The following NT5C2 variants were observed in gnomAD, a reference collection of about 807,000 sequenced individuals.
NT5C2 encodes the protein cytosolic purine 5'-nucleotidase.
In NT5C2, 58 loss-of-function variants were observed where a neutral mutation model predicts 76.1. The observed-to-expected ratio is 0.76, with a 90% CI of 0.62 to 0.95. The LOEUF (loss-of-function observed/expected upper bound fraction) is 0.95. Among genes scored for constraint, NT5C2 ranks in the 40% least tolerant of loss-of-function variants. The pLI is 0.00. For synonymous variants in NT5C2, 229 were observed against 237.4 expected, an observed-to-expected ratio of 0.96 and a Z score of 0.32; for missense variants, 478 against 690.3, an observed-to-expected ratio of 0.69 and a Z score of 3.45.
At chr10:103,133,584 G>A in intron 4 of NT5C2, among the ~76,000 whole-genome samples, 1 of 152,066 alleles carries the variant, frequency 6.6e-6, no homozygotes, top group East Asian at 1.9e-4. Context: ...TTTGTAAACT[G>A]CCCAGTCTCA....
At chr10:103,100,228 A>G (rs766559677) in intron 8 of NT5C2, among the ~76,000 whole-genome samples, 53 of 152,270 alleles carry the variant, frequency 3.5e-4, no homozygotes, top group Non-Finnish European at 6.9e-4. Context: ...GTGAACAAAT[A>G]CAAAGTGATA....
At chr10:103,113,169 C>T (rs1418368760) in intron 4 of NT5C2, among the ~76,000 whole-genome samples, 2 of 152,050 alleles carry the variant, frequency 1.3e-5, no homozygotes, top group Non-Finnish European at 2.9e-5. Flanking sequence ...AAAACACATT[C>T]CCAAATAACT....
chr10:103,159,255 A>G (rs1234224801), intron 3 of NT5C2, among the ~76,000 whole-genome samples: 9 of 98,068 alleles, frequency 9.2e-5, no homozygotes, highest in African/African-American at 1.8e-4. Context: ...AAACATGCAC[A>G]CACACACACA....
At chr10:103,170,526 CTT>C (rs71019664) in intron 3 of NT5C2, among the ~76,000 whole-genome samples, 31,075 of 116,708 alleles carry the variant, frequency 0.27, 2,767 homozygotes, top group Middle Eastern at 0.3. Context: ...CACATGCACA[CTT>C]TTTTTTTTTT....
chr10:103,151,486 C>A (rs1248594162), intron 3 of NT5C2, among the ~76,000 whole-genome samples: 1 of 150,864 alleles, frequency 6.6e-6, no homozygotes, highest in African/African-American at 2.4e-5. Flanking sequence ...AAAACACTAG[C>A]CTCTCGCCAT....
At chr10:103,090,046 T>C (rs1253067614) in intron 18 of NT5C2, 138 bp from the exon 19 acceptor site, 4 of 593,402 alleles carry the variant, frequency 6.7e-6, no homozygotes, top group African/African-American at 3.7e-5. Context: ...TATAGACTTA[T>C]CTTCATAGAA....
intron 3 of NT5C2, among the ~76,000 whole-genome samples, chr10:103,165,574 C>CTTTT (rs35898850): frequency 9.2e-6 from 1 of 109,264 alleles, no homozygotes; most frequent in African/African-American, 3.4e-5. Context: ...CCACCTGTGG[C>CTTTT]TTTTTTTTTT....
At chr10:103,096,021 T>TGC (rs1322159714) in intron 11 of NT5C2, 41 bp from the exon 12 acceptor site, 17 of 1,475,224 alleles carry the variant, frequency 1.2e-5, no homozygotes, top group Non-Finnish European at 1.4e-5. Context: ...ATACTACTTT[T>TGC]GCAAAAGGTA....
intron 6 of NT5C2, among the ~76,000 whole-genome samples, chr10:103,102,517 A>AT (rs1279397114): frequency 6.6e-6 from 1 of 151,132 alleles, no homozygotes; most frequent in Admixed American, 6.6e-5. Flanking sequence ...GACTCTCAGA[A>AT]TTTTTTCTTT....
chr10:103,189,787 G>C (rs1334402494), intron 1 of NT5C2, among the ~76,000 whole-genome samples: 1 of 150,454 alleles, frequency 6.6e-6, no homozygotes, highest in African/African-American at 2.4e-5. Flanking sequence ...TCGTGTCTCA[G>C]CCTCCTGAGT....
At chr10:103,142,367 G>GT (rs34067380) in intron 3 of NT5C2, among the ~76,000 whole-genome samples, 6 of 152,104 alleles carry the variant, frequency 3.9e-5, no homozygotes, top group Non-Finnish European at 8.8e-5. Context: ...GTCTTTCAGG[G>GT]TAAGTTTTAA....
intron 4 of NT5C2, among the ~76,000 whole-genome samples, chr10:103,116,000 A>C (rs1052183192): frequency 1.3e-5 from 2 of 152,178 alleles, no homozygotes; most frequent in African/African-American, 4.8e-5. Context: ...ACAGTACTTT[A>C]TTTCCTGAGG....
At chr10:103,095,279 T>A (rs1223839629) in intron 12 of NT5C2, among the ~76,000 whole-genome samples, 1 of 152,172 alleles carries the variant, frequency 6.6e-6, no homozygotes, top group Admixed American at 6.5e-5. Context: ...AAATCATGAC[T>A]ATCCTGAAAT....
intron 3 of NT5C2, among the ~76,000 whole-genome samples, chr10:103,171,783 G>A (rs1354699244): frequency 6.6e-6 from 1 of 152,192 alleles, no homozygotes; most frequent in East Asian, 1.9e-4. Flanking sequence ...TTTAGGCCGG[G>A]CTCAGTGGCT....
chr10:103,171,865 C>T (rs1191531140), intron 3 of NT5C2, among the ~76,000 whole-genome samples: 2 of 152,020 alleles, frequency 1.3e-5, no homozygotes, highest in Admixed American at 6.5e-5. Context: ...TTGAGACCAA[C>T]CTGAGCAACA....
rs79064076 is a variant in NT5C2, at chr10:103,170,879, C to T, written c.101+3979G>A. Among the ~76,000 whole-genome samples the T allele has an allele frequency of 6.0e-3, 916 of 152,082 alleles. 15 individuals are homozygous for T. The highest frequency in any genetic ancestry group is 0.021 in the African/African-American group (889 of 41,508). On this transcript the variant is annotated intron_variant, in intron 3 of 18. Coordinates refer to ENST00000404739, the MANE Select transcript of NT5C2 (RefSeq NM_001351169.2). ...TGTTTATTAAATAATGTTTACCAGT[C>T]CTCATTTCCACTGCTAAAAATGTTA...
intron 1 of NT5C2, among the ~76,000 whole-genome samples, chr10:103,192,437 G>A (rs960254360): frequency 1.3e-5 from 2 of 152,184 alleles, no homozygotes; most frequent in African/African-American, 4.8e-5. Flanking sequence ...GCCTGCCGGA[G>A]TCAAACCCCC....
intron 4 of NT5C2, among the ~76,000 whole-genome samples, chr10:103,119,311 G>A (rs1314926823): frequency 6.6e-6 from 1 of 152,180 alleles, no homozygotes; most frequent in Non-Finnish European, 1.5e-5. Flanking sequence ...AGAGGTTGCG[G>A]TGAGCTGAGA....
intron 6 of NT5C2, among the ~76,000 whole-genome samples, chr10:103,104,743 A>C (rs796078055): frequency 4.6e-4 from 70 of 152,350 alleles, no homozygotes; most frequent in African/African-American, 1.6e-3. Flanking sequence ...CTGTGACCTC[A>C]AATCTAAAGG....
Sources: gnomAD v4.1 joint callset for allele counts (sites outside exome capture counted in the v4.1 genomes callset) on GRCh38, gnomAD v4.1.1 for gene constraint, MANE v1.5 for transcripts, NCBI Gene and HGNC (gene_info 2026-07-23, HGNC 2026-07-21) for gene names.